TSPAN14: variants seen among roughly 807,000 people sequenced by gnomAD.
The protein encoded by TSPAN14 is tetraspanin-14.
Under a neutral mutation model 36.6 loss-of-function variants are expected in TSPAN14, and 16 were observed. The ratio of observed to expected loss-of-function variants is 0.44; its 90% CI spans 0.30 to 0.66. The LOEUF is 0.66. Among genes scored for constraint, TSPAN14 ranks in the 30% least tolerant of loss-of-function variants. TSPAN14 has a pLI of 0.12. For missense variants in TSPAN14, 231 were observed against 355.1 expected (o/e 0.65, Z 2.81); for synonymous variants, 139 against 143.8 (o/e 0.97, Z 0.24).
intron 1 of TSPAN14, among the ~76,000 whole-genome samples, chr10:80,482,832 T>G (rs1165416175): frequency 6.7e-6 from 1 of 150,304 alleles, no homozygotes; most frequent in Non-Finnish European, 1.5e-5. Context: ...GCCTCTCTGG[T>G]TCAAGTGATT....
chr10:80,486,448 C>T (rs1847604845), intron 1 of TSPAN14, among the ~76,000 whole-genome samples: 1 of 152,258 alleles, frequency 6.6e-6, no homozygotes, highest in Non-Finnish European at 1.5e-5. Context: ...GGAAAGCACA[C>T]AGACACGTTT....
intron 1 of TSPAN14, among the ~76,000 whole-genome samples, chr10:80,464,755 T>G (rs1049259056): frequency 2.6e-5 from 4 of 152,092 alleles, no homozygotes; most frequent in Non-Finnish European, 5.9e-5. Flanking sequence ...CTGGTGGCAG[T>G]GAGGGCTGAC....
chr10:80,510,160 T>C (rs1840538149), intron 5 of TSPAN14, among the ~76,000 whole-genome samples: 2 of 152,258 alleles, frequency 1.3e-5, no homozygotes, highest in Non-Finnish European at 2.9e-5. Context: ...GCCTGTGCAA[T>C]GCAAGGCTCT....
In TSPAN14 at chr10:80,512,141, C is replaced by G; in HGVS notation, c.451-3C>G. ...CTAACAGTTCTGGCTTTTGTGGTTG[C>G]AGAACCAGTGCTGTGGCGCATATGG... On this transcript the variant is annotated splice_polypyrimidine_tract_variant and splice_region_variant and intron_variant, in intron 5 of 8. Coordinates refer to ENST00000429989, the Ensembl canonical transcript of TSPAN14. 6.2e-7 allele frequency: 1 copy of G among 1,614,140 alleles called. No homozygotes were observed. Among genetic ancestry groups the G allele is most frequent in the Non-Finnish European group, 8.5e-7 (1 of 1,179,980 alleles).
At chr10:80,517,615 C>G (rs1266867240) in intron 8 of TSPAN14, among the ~76,000 whole-genome samples, 3 of 152,244 alleles carry the variant, frequency 2.0e-5, no homozygotes, top group Non-Finnish European at 4.4e-5. Flanking sequence ...TGGCTTGTGA[C>G]ATACTTAATC....
chr10:80,456,113 T>C (rs1845724105), intron 1 of TSPAN14, among the ~76,000 whole-genome samples: 2 of 152,210 alleles, frequency 1.3e-5, no homozygotes, highest in African/African-American at 4.8e-5. Flanking sequence ...TTGCAGGCAC[T>C]ATTCCAAGTC....
At chr10:80,497,918 A>G (rs966549313) in intron 2 of TSPAN14, among the ~76,000 whole-genome samples, 4 of 152,162 alleles carry the variant, frequency 2.6e-5, no homozygotes, top group Non-Finnish European at 5.9e-5. Flanking sequence ...TGTGATAGCT[A>G]TGTGACCCCA....
chr10:80,462,086 A>G (rs1280437193), intron 1 of TSPAN14, among the ~76,000 whole-genome samples: 1 of 151,368 alleles, frequency 6.6e-6, no homozygotes, highest in Non-Finnish European at 1.5e-5. Flanking sequence ...GCTAATTTAA[A>G]GAATTTTTTG....
At chr10:80,497,964 C>T (rs76140149) in intron 2 of TSPAN14, among the ~76,000 whole-genome samples, 2,656 of 152,304 alleles carry the variant, frequency 0.017, 103 homozygotes, top group East Asian at 0.13. Context: ...CTGTTTCCCT[C>T]TGTCATAAGG....
intron 1 of TSPAN14, chr10:80,485,717 C>T (rs920536926): frequency 2.0e-6 from 2 of 984,862 alleles, no homozygotes; most frequent in Non-Finnish European, 1.2e-6. Context: ...CCTTCCCTCC[C>T]TGTCCCGAGG....
intron 2 of TSPAN14, 45 bp from the exon 3 acceptor site, chr10:80,504,683 G>T: frequency 6.2e-7 from 1 of 1,612,948 alleles, no homozygotes; most frequent in South Asian, 1.1e-5. Flanking sequence ...TCACAGTGCT[G>T]GTTTCCAACC....
intron 6 of TSPAN14, among the ~76,000 whole-genome samples, chr10:80,513,686 C>T (rs938249063): frequency 1.1e-4 from 16 of 152,180 alleles, no homozygotes; most frequent in African/African-American, 3.4e-4. Flanking sequence ...TTTTGTGGTA[C>T]GTGAAAATTA....
chr10:80,485,966 G>T (rs1324651905), intron 1 of TSPAN14, among the ~76,000 whole-genome samples: 4 of 152,212 alleles, frequency 2.6e-5, no homozygotes, highest in Admixed American at 2.6e-4. Context: ...CGTGCATCAG[G>T]ATACGTTGTC....
intron 1 of TSPAN14, among the ~76,000 whole-genome samples, chr10:80,478,838 A>G (rs1043435223): frequency 2.0e-5 from 3 of 152,228 alleles, no homozygotes; most frequent in Non-Finnish European, 2.9e-5. Context: ...CCTGGCCAAC[A>G]TGGCAAAACC....
exon 9 of TSPAN14, chr10:80,520,635 C>T (rs1250055667): frequency 1.1e-5 from 6 of 533,446 alleles, no homozygotes; most frequent in East Asian, 5.4e-5. Flanking sequence ...TTTCCTGTCC[C>T]GTCTTCCTAT....
chr10:80,519,413 A>T (rs749605246), exon 9 of TSPAN14: 1 of 152,702 alleles, frequency 6.5e-6, no homozygotes, highest in Non-Finnish European at 1.5e-5. Context: ...ACTTTGCCAT[A>T]GCTCAGACCA....
At chr10:80,473,990 G>A (rs1356439536) in intron 1 of TSPAN14, among the ~76,000 whole-genome samples, 1 of 152,042 alleles carries the variant, frequency 6.6e-6, no homozygotes, top group African/African-American at 2.4e-5. Context: ...ATATTCGCCT[G>A]CCCCCTCCTA....
intron 1 of TSPAN14, among the ~76,000 whole-genome samples, chr10:80,486,649 G>A (rs1847617870): frequency 6.6e-6 from 1 of 152,154 alleles, no homozygotes; most frequent in South Asian, 2.1e-4. Context: ...CCAGCTCCCT[G>A]GAGGGCACAG....
rs999341938 is a variant in TSPAN14 at position 80,515,943 on chromosome 10, T to C, written c.622-261T>C. The C allele has an allele frequency of 1.3e-4, 63 of 479,866 alleles. 1 individual carries two copies. The Admixed American group carries it at 1.5e-3, about 11-fold the overall frequency. The allele number at this position is 479,866 out of a possible 1,614,324, so 29.7% of individuals were successfully genotyped here. ...GGTGGGGAAGGGTATCTTGAGAAAGTTGGGCTTTAAATCTCTGGAGACCTG... is the reference window on the plus strand; with the variant it reads ...GGTGGGGAAGGGTATCTTGAGAAAGCTGGGCTTTAAATCTCTGGAGACCTG... On this transcript the variant is annotated intron_variant, in intron 7 of 8. Transcript: ENST00000429989.
Sources: allele counts gnomAD v4.1 joint callset (sites outside exome capture counted in the v4.1 genomes callset), GRCh38; gene constraint gnomAD v4.1.1; transcripts MANE v1.5; gene names NCBI Gene and HGNC (gene_info 2026-07-23, HGNC 2026-07-21).